Variants in RASA3 observed in about 807,000 individuals in gnomAD.
RASA3 encodes RAS p21 protein activator 3, also known as ras GTPase-activating protein 3.
A neutral mutation model predicts 110.0 loss-of-function variants in RASA3; 73 were observed. The observed-to-expected ratio is 0.66, with a 90% CI of 0.55 to 0.81. RASA3 has a LOEUF of 0.81. Among genes scored for constraint, RASA3 ranks in the 30% least tolerant of loss-of-function variants. RASA3 has a pLI of 0.00. For synonymous variants in RASA3, 500 were observed against 451.4 expected (o/e 1.11, Z -1.37); for missense variants, 976 against 1,113.2 (o/e 0.88, Z 1.75).
chr13:114,060,397 C>T (rs1382632396), intron 2 of RASA3, among the ~76,000 whole-genome samples: 2 of 152,254 alleles, frequency 1.3e-5, no homozygotes, highest in Non-Finnish European at 2.9e-5. Flanking sequence ...CAGCCAGGAG[C>T]TGCCCAGACC....
chr13:114,010,509 C>T (rs1480197262), intron 16 of RASA3, among the ~76,000 whole-genome samples: 3 of 151,220 alleles, frequency 2.0e-5, no homozygotes, highest in Non-Finnish European at 4.4e-5. Context: ...GACCTGGTGG[C>T]ACCAGATCCA....
At chr13:114,109,816 C>T (rs958229579) in intron 1 of RASA3, among the ~76,000 whole-genome samples, 1 of 152,184 alleles carries the variant, frequency 6.6e-6, no homozygotes, top group African/African-American at 2.4e-5. Flanking sequence ...ACGAGGCAGG[C>T]GACTGGGTCT....
chr13:114,057,405 C>T lies in RASA3; in HGVS notation c.174-5250G>A. The T allele has an allele frequency of 4.1e-6, 4 of 985,366 alleles. No individual in the cohort carries two copies. Among genetic ancestry groups the T allele is most frequent in the Non-Finnish European group, 4.8e-6 (4 of 829,924 alleles). The allele number at this position is 985,366 out of a possible 1,614,324, so 61.0% of individuals were successfully genotyped here. A position where few individuals can be genotyped will look rare whatever the true frequency, so the allele number is the denominator to read the frequency against. Reference sequence around the variant, plus strand: ...AGGGCAGTGGGGTCCGGAGAGGCGGCCGTGCTACAGGCCTTGCACTCATTT... The same window carrying T: ...AGGGCAGTGGGGTCCGGAGAGGCGGTCGTGCTACAGGCCTTGCACTCATTT... On this transcript the variant is annotated intron_variant, in intron 2 of 23. Transcript: ENST00000334062. The surrounding 1 kb of genome is among the most constrained non-coding windows in gnomAD (Gnocchi z 5.0).
chr13:114,106,411 T>C (rs2080136230), intron 1 of RASA3, among the ~76,000 whole-genome samples: 1 of 152,216 alleles, frequency 6.6e-6, no homozygotes, highest in African/African-American at 2.4e-5. Flanking sequence ...GCATTTGAGA[T>C]TATTGTAAAT....
intron 12 of RASA3, among the ~76,000 whole-genome samples, chr13:114,016,848 G>A (rs2053804105): frequency 6.6e-6 from 1 of 152,172 alleles, no homozygotes; most frequent in African/African-American, 2.4e-5. Context: ...CAGGTGAGGA[G>A]TGGGTGTGCG....
chr13:114,054,847 G>T (rs963642253), intron 2 of RASA3, among the ~76,000 whole-genome samples: 16 of 152,286 alleles, frequency 1.1e-4, no homozygotes, highest in African/African-American at 3.6e-4. Flanking sequence ...TCTCGCGTTG[G>T]TCGTTGACGC....
At chr13:114,121,867 T>G (rs1028403474) in intron 1 of RASA3, among the ~76,000 whole-genome samples, 1 of 152,168 alleles carries the variant, frequency 6.6e-6, no homozygotes, top group African/African-American at 2.4e-5. Context: ...CTTCTCGGAA[T>G]CTCTCTCCTG....
At chr13:114,053,465 A>G (rs1490688824) in intron 2 of RASA3, among the ~76,000 whole-genome samples, 1 of 152,256 alleles carries the variant, frequency 6.6e-6, no homozygotes, top group Non-Finnish European at 1.5e-5. Context: ...GCCCACTTTC[A>G]TGCACATTGA....
chr13:114,102,739 C>T (rs567489000), intron 1 of RASA3, among the ~76,000 whole-genome samples: 68 of 152,290 alleles, frequency 4.5e-4, no homozygotes, highest in Non-Finnish European at 7.8e-4. Context: ...CCCAGGGCGA[C>T]GCTCCCGACT....
intron 20 of RASA3, among the ~76,000 whole-genome samples, chr13:113,998,561 C>T (rs751703059): frequency 3.3e-5 from 5 of 152,160 alleles, no homozygotes; most frequent in Admixed American, 6.5e-5. Context: ...ATGGCACGGA[C>T]GGCGGGGTCA....
intron 16 of RASA3, among the ~76,000 whole-genome samples, chr13:114,009,985 T>C (rs1243049129): frequency 1.3e-5 from 2 of 152,184 alleles, no homozygotes; most frequent in East Asian, 1.9e-4. Flanking sequence ...CAAGTTCCTG[T>C]TGTTTCCACA....
In RASA3 at chr13:114,018,860, G is replaced by A. The variant is rs745387371; in HGVS notation, c.845C>T (p.Ser282Phe). ...CGTGTATACCACGTTCAGCCGCAGG[G>A]AGCCCAGGTCGTCTGGCTTTAGGCT... ...SKSLKPDDLG[S>F]LRLNVVYTED... The change falls in exon 10 of 24, where the codon TCC becomes TTC. Residue 282 changes from serine (S) to phenylalanine (F), a missense_variant. Physicochemically the swap from Ser to Phe is radical, Grantham distance 155. Coordinates refer to ENST00000334062, the MANE Select transcript of RASA3 (RefSeq NM_007368.4). 5.0e-6 allele frequency: 8 copies of A among 1,613,960 alleles called. No homozygotes were observed. Among genetic ancestry groups the A allele is most frequent in the South Asian group, 2.2e-5 (2 of 91,080 alleles).
chr13:114,003,865 C>T (rs1410192116), intron 18 of RASA3, among the ~76,000 whole-genome samples: 3 of 152,228 alleles, frequency 2.0e-5, no homozygotes, highest in Non-Finnish European at 2.9e-5. Context: ...ACAGGAACCT[C>T]GTGCGTAAGG....
intron 21 of RASA3, 74 bp from the exon 22 acceptor site, chr13:113,992,662 T>C: frequency 5.3e-6 from 6 of 1,142,642 alleles, no homozygotes; most frequent in Non-Finnish European, 7.7e-6. Context: ...ACATTCATTT[T>C]TAAAATGTCA....
In RASA3 at chr13:114,073,712, G is replaced by C. The variant is rs774201366; in HGVS notation, c.173+8C>G. 4 of 1,599,064 alleles carry C rather than the reference G, an allele frequency of 2.5e-6. No individual in the cohort carries two copies. The Admixed American group carries it at 6.7e-5, about 27-fold the overall frequency. ...ATCAGTGCCAAGTAAAGCAACAGAA[G>C]ACATTACCAGAGTGACTTTTCCACA... On this transcript the variant is annotated splice_region_variant and intron_variant, in intron 2 of 23. Coordinates refer to ENST00000334062, the MANE Select transcript of RASA3 (RefSeq NM_007368.4).
At chr13:114,072,858 G>A (rs908716910) in intron 2 of RASA3, among the ~76,000 whole-genome samples, 1 of 135,956 alleles carries the variant, frequency 7.4e-6, no homozygotes. Context: ...GTACACGCTC[G>A]GGACACTGTC....
At chr13:114,026,716 T>C (rs1233370490) in intron 7 of RASA3, among the ~76,000 whole-genome samples, 2 of 152,080 alleles carry the variant, frequency 1.3e-5, no homozygotes, top group African/African-American at 4.8e-5. Context: ...CATCCTCACA[T>C]CTCCAGGGCC....
rs1392497132 is a variant in RASA3, at chr13:114,011,126, G to T, written c.1590+45C>A. The T allele has an allele frequency of 6.7e-7, 1 of 1,497,530 alleles. No homozygotes were observed. Among genetic ancestry groups the T allele is most frequent in the African/African-American group, 1.4e-5 (1 of 72,396 alleles). The allele number at this position is 1,497,530 out of a possible 1,614,324, so 92.8% of individuals were successfully genotyped here. ...ACGTGTATTTTCTGAAGAGAGAAAA[G>T]AATCAGTTGTCCCTAAAAAGAGAAA... On this transcript the variant is annotated intron_variant, in intron 16 of 23. Coordinates refer to ENST00000334062, the MANE Select transcript of RASA3 (RefSeq NM_007368.4). The surrounding 1 kb of genome is among the most constrained non-coding windows in gnomAD (Gnocchi z 4.8).
chr13:114,104,253 CA>C (rs1566576958), intron 1 of RASA3, among the ~76,000 whole-genome samples: 1,085 of 106,706 alleles, frequency 0.01, 124 homozygotes, highest in East Asian at 0.06. Context: ...TCCACACTGC[CA>C]CGGCCACGGA....
Sources: allele counts gnomAD v4.1 joint callset (sites outside exome capture counted in the v4.1 genomes callset), GRCh38; gene constraint gnomAD v4.1.1; non-coding constraint Gnocchi (gnomAD v3.1); transcripts MANE v1.5; gene names NCBI Gene and HGNC (gene_info 2026-07-23, HGNC 2026-07-21).